The following PTPRG variants were observed in gnomAD, a reference collection of about 807,000 sequenced individuals.
PTPRG encodes the protein protein tyrosine phosphatase receptor type G, also known as receptor-type tyrosine-protein phosphatase gamma.
PTPRG carries 102 observed loss-of-function variants against 165.3 expected under a neutral mutation model. The ratio of observed to expected loss-of-function variants is 0.62; its 90% CI spans 0.53 to 0.73. The LOEUF (loss-of-function observed/expected upper bound fraction) is 0.73. Among genes scored for constraint, PTPRG ranks in the 30% least tolerant of loss-of-function variants. The probability of loss-of-function intolerance (pLI) is 0.00; values close to 1 mark genes in which losing one functional copy is unlikely to be tolerated. For missense variants in PTPRG, 1,866 were observed against 1,861.4 expected (o/e 1.00, Z -0.05); for synonymous variants, 675 against 669.5 (o/e 1.01, Z -0.13).
chr3:62,279,958 G>A (rs1702370906), intron 26 of PTPRG, among the ~76,000 whole-genome samples: 2 of 151,962 alleles, frequency 1.3e-5, no homozygotes, highest in Non-Finnish European at 2.9e-5. Flanking sequence ...GATACGTGGT[G>A]TACATCATAA....
rs773454904 is a variant in PTPRG, at chr3:62,271,096, A to G, written c.3010-287A>G. Among the ~76,000 whole-genome samples the G allele has an allele frequency of 1.3e-5, 2 of 151,718 alleles. No homozygotes were observed. Among genetic ancestry groups the G allele is most frequent in the Non-Finnish European group, 2.9e-5 (2 of 67,852 alleles). On this transcript the variant is annotated intron_variant, in intron 20 of 29. Coordinates refer to ENST00000474889, the MANE Select transcript of PTPRG (RefSeq NM_002841.4). The surrounding 1 kb of genome is among the most constrained non-coding windows in gnomAD (Gnocchi z 4.1). ...ATGGAGGCCTTGCAGGAAAAGTACA[A>G]GTGCTTTGGATAGTTCCAAATCCAA...
chr3:62,126,825 C>G (rs960268744), intron 5 of PTPRG, among the ~76,000 whole-genome samples: 5 of 152,220 alleles, frequency 3.3e-5, no homozygotes, highest in Non-Finnish European at 1.5e-5. Context: ...AATTGTGTCT[C>G]TGTATTCCTC....
chr3:62,048,819 T>C (rs1700377812), intron 4 of PTPRG, among the ~76,000 whole-genome samples: 1 of 152,180 alleles, frequency 6.6e-6, no homozygotes. Flanking sequence ...ATATTCTTTT[T>C]CCCCTCCTGC....
chr3:61,624,185 A>G (rs1369619777), intron 1 of PTPRG, among the ~76,000 whole-genome samples: 1 of 152,150 alleles, frequency 6.6e-6, no homozygotes, highest in Non-Finnish European at 1.5e-5. Flanking sequence ...CTGTGAATTT[A>G]AATCCCGACT....
intron 2 of PTPRG, chr3:61,926,034 T>G (rs2039201021): frequency 2.3e-6 from 1 of 442,322 alleles, no homozygotes; most frequent in Non-Finnish European, 4.5e-6. Context: ...CTGTAACTAC[T>G]ATATCAGAAT....
chr3:61,738,320 A>ATGTG (rs1559583459), intron 1 of PTPRG, among the ~76,000 whole-genome samples: 13 of 91,608 alleles, frequency 1.4e-4, no homozygotes, highest in Admixed American at 3.4e-4. Context: ...ATACATATAT[A>ATGTG]TATATATATA....
intron 8 of PTPRG, among the ~76,000 whole-genome samples, chr3:62,184,224 C>T (rs979568935): frequency 7.9e-5 from 12 of 152,324 alleles, no homozygotes; most frequent in African/African-American, 2.6e-4. Context: ...GCAGCCGCAG[C>T]TCCAGCTAGA....
intron 2 of PTPRG, among the ~76,000 whole-genome samples, chr3:61,892,219 C>T (rs562766793): frequency 2.0e-5 from 3 of 152,244 alleles, no homozygotes; most frequent in Admixed American, 6.5e-5. Flanking sequence ...CCAGCCCATA[C>T]CACGTGATTT....
chr3:61,795,849 A>C (rs1045195369), intron 2 of PTPRG, among the ~76,000 whole-genome samples: 6 of 152,074 alleles, frequency 3.9e-5, no homozygotes, highest in Admixed American at 2.6e-4. Context: ...TGGCCTTTGC[A>C]TAGTAAAAGT....
Position 62,203,851 on chromosome 3 carries a change from G to A in PTPRG, c.2056G>A (p.Ala686Thr), listed in dbSNP as rs749942817. 1.9e-6 allele frequency: 3 copies of A among 1,614,146 alleles called. No individual in the cohort carries two copies. The highest frequency in any genetic ancestry group is 1.7e-5 in the Admixed American group (1 of 60,020). ...CCCCACCGCCACAGAGGAGCAGTAT[G>A]CAGGGAGTGATCCCAAGAGGCCCGA... is the stretch of plus-strand genomic sequence containing the variant. ...VPPTATEEQY[A>T]GSDPKRPEMP... Residue 686 changes from alanine (A) to threonine (T), a missense_variant, in exon 12 of 30, where the codon GCA becomes ACA. Coordinates refer to ENST00000474889, the MANE Select transcript of PTPRG (RefSeq NM_002841.4). This position sits in a 1 kb window ranked among gnomAD's most constrained non-coding sequence, Gnocchi z 6.4.
intron 19 of PTPRG, among the ~76,000 whole-genome samples, chr3:62,268,663 G>C (rs142015107): frequency 2.0e-5 from 3 of 151,996 alleles, no homozygotes; most frequent in African/African-American, 7.2e-5. Flanking sequence ...AATCCAACCC[G>C]GCCTTCCAAA....
intron 10 of PTPRG, among the ~76,000 whole-genome samples, chr3:62,198,580 T>C (rs1700024297): frequency 6.6e-6 from 1 of 152,194 alleles, no homozygotes; most frequent in African/African-American, 2.4e-5. Flanking sequence ...TGGTTTTAGA[T>C]AAATAAGTGA....
At chr3:62,167,950 C>G (rs1242345941) in intron 7 of PTPRG, 21 bp from the exon 8 acceptor site, 2 of 1,596,858 alleles carry the variant, frequency 1.3e-6, no homozygotes, top group Non-Finnish European at 8.6e-7. Context: ...TTCCCCCTCC[C>G]CTCTCTGGTC....
intron 4 of PTPRG, among the ~76,000 whole-genome samples, chr3:62,041,651 A>T (rs1313409867): frequency 6.6e-6 from 1 of 152,146 alleles, no homozygotes; most frequent in South Asian, 2.1e-4. Flanking sequence ...GGGAGATTAT[A>T]CAGGATTCAA....
At chr3:62,117,151 C>T (rs919655278) in intron 5 of PTPRG, among the ~76,000 whole-genome samples, 1 of 152,118 alleles carries the variant, frequency 6.6e-6, no homozygotes, top group African/African-American at 2.4e-5. Flanking sequence ...TCAAACGGAC[C>T]ATCTTTAGTC....
intron 2 of PTPRG, among the ~76,000 whole-genome samples, chr3:61,823,518 T>G (rs1575694332): frequency 6.6e-6 from 1 of 151,968 alleles, no homozygotes; most frequent in African/African-American, 2.4e-5. Flanking sequence ...GGAATCATAT[T>G]GCTCATTGCA....
chr3:62,212,121 G>A (rs529534425), intron 12 of PTPRG, among the ~76,000 whole-genome samples: 2 of 152,118 alleles, frequency 1.3e-5, no homozygotes, highest in East Asian at 1.9e-4. Flanking sequence ...GCTCAGAGAG[G>A]GTTCGTTAGC....
chr3:61,574,959 A>G (rs1008395173), intron 1 of PTPRG, among the ~76,000 whole-genome samples: 1 of 152,210 alleles, frequency 6.6e-6, no homozygotes, highest in African/African-American at 2.4e-5. Flanking sequence ...GCACCAAGCC[A>G]TTCGTGAGGG....
chr3:62,005,319 C>T (rs182805244), intron 4 of PTPRG, among the ~76,000 whole-genome samples: 38 of 152,226 alleles, frequency 2.5e-4, no homozygotes, highest in African/African-American at 9.1e-4. Flanking sequence ...GCTTTATTTC[C>T]ACTTGGAAAA....
Sources: gnomAD v4.1 joint callset for allele counts (sites outside exome capture counted in the v4.1 genomes callset) on GRCh38, gnomAD v4.1.1 for gene constraint, Gnocchi (gnomAD v3.1) non-coding constraint, MANE v1.5 for transcripts, NCBI Gene and HGNC (gene_info 2026-07-23, HGNC 2026-07-21) for gene names.